The following NID2 variants were observed in gnomAD, a reference collection of about 807,000 sequenced individuals.
NID2 encodes nidogen-2.
Under a neutral mutation model 145.4 loss-of-function variants are expected in NID2, and 83 were observed. The observed-to-expected ratio is 0.57, with a 90% CI of 0.48 to 0.69. The LOEUF is 0.69. NID2 is among the 30% of genes least tolerant of loss of function. The pLI is 0.00. For synonymous variants in NID2, 739 were observed against 701.3 expected, an observed-to-expected ratio of 1.05 and a Z score of -0.85; for missense variants, 1,807 against 1,765.7, an observed-to-expected ratio of 1.02 and a Z score of -0.42.
rs1332608246 is a variant in NID2 at position 52,005,246 on chromosome 14, GTTAAAATTCTGTTACCTTT to G, written c.*221_*239del. 2.4e-5 allele frequency: 9 copies of G among 380,064 alleles called. No homozygotes were observed. Among genetic ancestry groups the G allele is most frequent in the African/African-American group, 1.9e-4 (9 of 48,104 alleles). The allele number at this position is 380,064 out of a possible 1,614,324, so 23.5% of individuals were successfully genotyped here. A position where few individuals can be genotyped will look rare whatever the true frequency, so the allele number is the denominator to read the frequency against. ...CAAGAAGTTGCTTTAATAAGCAACA[GTTAAAATTCTGTTACCTTT>G]TTAAACTTGCAATAACAACCTTCAT... On this transcript the variant is annotated 3_prime_UTR_variant, in exon 22 of 22. Transcript: ENST00000216286.
At chr14:52,030,638 GAAAGAAAAAGAGAAAGAAAGAAAGAA>G (rs1226846680) in intron 9 of NID2, among the ~76,000 whole-genome samples, 1 of 147,426 alleles carries the variant, frequency 6.8e-6, no homozygotes, top group Non-Finnish European at 1.5e-5. Flanking sequence ...GAAAGAAAGA[GAAAGAAAAAGAGAAAGAAAGAAAGAA>G]AAAGAAAAGA....
intron 2 of NID2, among the ~76,000 whole-genome samples, chr14:52,064,197 A>G (rs77790495): frequency 6.6e-6 from 1 of 152,240 alleles, no homozygotes; most frequent in Admixed American, 6.5e-5. Context: ...AACCAAGTCA[A>G]CATGTCTCAG....
At chr14:52,054,748 C>T (rs776644800) in intron 3 of NID2, among the ~76,000 whole-genome samples, 11 of 152,188 alleles carry the variant, frequency 7.2e-5, no homozygotes, top group Non-Finnish European at 1.6e-4. Context: ...AGATCAGGTT[C>T]AGTTTTCACT....
intron 20 of NID2, chr14:52,006,204 A>G (rs893007211): frequency 1.0e-5 from 4 of 395,796 alleles, no homozygotes; most frequent in South Asian, 2.8e-5. Flanking sequence ...GCCCTGTAAT[A>G]TAGCTCATGG....
chr14:52,060,092 A>T, intron 3 of NID2, 32 bp downstream of exon 3: 2 of 1,483,448 alleles, frequency 1.3e-6, no homozygotes, highest in Non-Finnish European at 1.9e-6. Context: ...TTATATTCAA[A>T]TAGGAAAGGG....
At chr14:52,031,744 G>A (rs34691306) in intron 9 of NID2, among the ~76,000 whole-genome samples, 10,247 of 152,152 alleles carry the variant, frequency 0.067, 385 homozygotes, top group Middle Eastern at 0.13. Flanking sequence ...TTTCTGACCC[G>A]TGTCTCCCAC....
At position 52,054,088 on chromosome 14, in the gene NID2, T is replaced by TC; in HGVS notation, c.1000dup (p.Glu334GlyfsTer10). 2 of 1,614,172 alleles carry TC rather than the reference T, an allele frequency of 1.2e-6. No individual in the cohort carries two copies. The highest frequency in any genetic ancestry group is 1.7e-6 in the Non-Finnish European group (2 of 1,180,014). On this transcript the variant is annotated frameshift_variant, in exon 4 of 22. Transcript: ENST00000216286. LOFTEE classifies it high-confidence loss of function. ...AATGCTGCTGTGGCCATTCAATGCCTCCTCTGGTTCACCCGGAAGGTATTC... is the reference window on the plus strand; with the variant it reads ...AATGCTGCTGTGGCCATTCAATGCCTCCCTCTGGTTCACCCGGAAGGTATTC...
chr14:52,056,217 A>G (rs776163148), intron 3 of NID2, among the ~76,000 whole-genome samples: 2 of 152,218 alleles, frequency 1.3e-5, no homozygotes, highest in Non-Finnish European at 2.9e-5. Flanking sequence ...AGTTAGAAAC[A>G]GAAACTATAA....
rs1891175915 is a variant in NID2, at chr14:52,015,215, T to C, written c.3089A>G (p.Tyr1030Cys). 1 of 1,613,516 alleles carries C rather than the reference T, an allele frequency of 6.2e-7. No homozygotes were observed. The highest frequency in any genetic ancestry group is 8.5e-7 in the Non-Finnish European group (1 of 1,179,780). ...ERWRENLLEH[Y>C]GGTPRDDQYV... ...CTGGTCATCCCGGGGGGTGCCACCG[T>C]AGTGCTCCAGCAGGTTTTCCCTCCA... The change falls in exon 15 of 22, where the codon TAC (tyrosine) becomes TGC (cysteine). Residue 1030 changes from tyrosine (Y) to cysteine (C), a missense_variant. By Grantham distance (194) the Tyr-to-Cys change is radical (BLOSUM62 -2). Coordinates refer to ENST00000216286, the MANE Select transcript of NID2 (RefSeq NM_007361.4).
chr14:52,039,476 A>C (rs1176061314), intron 8 of NID2, among the ~76,000 whole-genome samples: 1 of 152,226 alleles, frequency 6.6e-6, no homozygotes, highest in Non-Finnish European at 1.5e-5. Context: ...AGTAAATCTG[A>C]AGGATTCCAG....
At chr14:52,053,179 C>T (rs895010193) in intron 5 of NID2, among the ~76,000 whole-genome samples, 1 of 152,228 alleles carries the variant, frequency 6.6e-6, no homozygotes, top group Admixed American at 6.5e-5. Flanking sequence ...TCTGAGCCAG[C>T]ACAACTCACC....
intron 16 of NID2, among the ~76,000 whole-genome samples, chr14:52,013,758 A>G (rs1188847976): frequency 1.3e-5 from 2 of 152,146 alleles, no homozygotes; most frequent in Non-Finnish European, 2.9e-5. Flanking sequence ...TCAAGTTTTC[A>G]TCTATGGAGT....
chr14:52,007,998 A>G, intron 18 of NID2, 31 bp from the exon 19 acceptor site: 1 of 1,578,636 alleles, frequency 6.3e-7, no homozygotes, highest in Non-Finnish European at 8.6e-7. Flanking sequence ...TTGTAAAAGA[A>G]TAGCCATGTA....
chr14:52,026,267 G>A (rs1487304799), intron 12 of NID2, among the ~76,000 whole-genome samples: 1 of 152,222 alleles, frequency 6.6e-6, no homozygotes, highest in Non-Finnish European at 1.5e-5. Flanking sequence ...AAGCTCCCAG[G>A]AATTGCAAAG....
At chr14:52,056,731 G>T (rs140139000) in intron 3 of NID2, among the ~76,000 whole-genome samples, 1 of 152,146 alleles carries the variant, frequency 6.6e-6, no homozygotes, top group African/African-American at 2.4e-5. Context: ...GGCAGAGGTT[G>T]CAGTGAACCG....
Position 52,040,835 on chromosome 14 carries a change from A to C in NID2, c.1842T>G (p.His614Gln). Residue 614 changes from histidine (H) to glutamine (Q), a missense_variant, in exon 8 of 22, where the codon CAT becomes CAG. His to Gln is a conservative substitution (Grantham distance 24). Transcript: ENST00000216286. Reference protein sequence around the residue: ...GFSLAGAAFTHDMEVTFYPGE... With the variant: ...GFSLAGAAFTQDMEVTFYPGE... The stretch of plus-strand genomic sequence containing the variant: ...CCGGGTAGAATGTAACTTCCATGTC[A>C]TGGGTAAAGGCAGCACCTGGAGATG... 1.9e-6 allele frequency: 3 copies of C among 1,614,188 alleles called. No homozygotes were observed. The highest frequency in any genetic ancestry group is 2.5e-6 in the Non-Finnish European group (3 of 1,180,028).
rs1336993622 is a variant in NID2, at chr14:52,033,434, ACTTAAAG to A, written c.2258-3751_2258-3745del. On this transcript the variant is annotated intron_variant, in intron 9 of 21. Transcript: ENST00000216286. ...CAACAACAAAAAACAGCTGACTCAC[ACTTAAAG>A]CTTAAAGCTCAAACAACTGGTGGGG... is the stretch of plus-strand genomic sequence containing the variant. 1.4e-4 allele frequency among the ~76,000 whole-genome samples: 21 copies of A among 152,246 alleles called. No individual in the cohort carries two copies. In the East Asian group the frequency reaches 3.9e-3, roughly 28 times the overall value.
intron 13 of NID2, 92 bp downstream of exon 13, chr14:52,019,967 G>C (rs1891342661): frequency 2.0e-6 from 3 of 1,531,790 alleles, no homozygotes; most frequent in East Asian, 2.3e-5. Context: ...CAAGGCTCCA[G>C]ACCAGGCTAA....
At chr14:52,011,972 C>A in intron 16 of NID2, 1 of 302,374 alleles carries the variant, frequency 3.3e-6, no homozygotes, top group Non-Finnish European at 6.3e-6. Context: ...ACTATAAGTG[C>A]TTGTAAAGTG....
Sources: gnomAD v4.1 joint callset for allele counts (sites outside exome capture counted in the v4.1 genomes callset) on GRCh38, gnomAD v4.1.1 for gene constraint, MANE v1.5 for transcripts, NCBI Gene and HGNC (gene_info 2026-07-23, HGNC 2026-07-21) for gene names.